Variants in TAB2 observed in about 807,000 individuals in gnomAD.
TAB2 encodes the protein TGF-beta-activated kinase 1 and MAP3K7-binding protein 2.
TAB2 carries 3 observed loss-of-function variants against 65.0 expected under a neutral mutation model. That is an observed-to-expected ratio of 0.05 (90% CI 0.02 to 0.12). TAB2 has a LOEUF of 0.12. Ranked by LOEUF, TAB2 falls within the 10% of genes least tolerant of loss-of-function variation. The pLI is 1.00. For synonymous variants in TAB2, 298 were observed against 285.1 expected, an observed-to-expected ratio of 1.05 and a Z score of -0.46; for missense variants, 623 against 840.3, an observed-to-expected ratio of 0.74 and a Z score of 3.20.
intron 1 of TAB2, among the ~76,000 whole-genome samples, chr6:149,361,125 C>T (rs898745430): frequency 1.3e-5 from 2 of 152,174 alleles, no homozygotes; most frequent in African/African-American, 4.8e-5. Context: ...GGGTCCCTTT[C>T]CCCAGCCCCA....
Position 149,227,229 on chromosome 6 carries a change from A to T in TAB2, c.-121+8453A>T, listed in dbSNP as rs190421361. On this transcript the variant is annotated intron_variant, in intron 1 of 1. Transcript: ENST00000606202. ...AAATGGTCAACAAATTATTAAATTAAGCCTTTTCCTATAAATGACTAGGTA... is the reference window on the plus strand; with the variant it reads ...AAATGGTCAACAAATTATTAAATTATGCCTTTTCCTATAAATGACTAGGTA... Among the ~76,000 whole-genome samples, 251 of 152,348 alleles carry T rather than the reference A, an allele frequency of 1.6e-3. 1 individual carries two copies. The highest frequency in any genetic ancestry group is 3.4e-3 in the Middle Eastern group (1 of 294).
chr6:149,303,941 G>A (rs1189337099), intron 1 of TAB2, among the ~76,000 whole-genome samples: 1 of 152,252 alleles, frequency 6.6e-6, no homozygotes, highest in Non-Finnish European at 1.5e-5. Context: ...AAGATGAAAA[G>A]AGAGCATGTG....
chr6:149,341,327 A>G (rs1290777344), intron 1 of TAB2, among the ~76,000 whole-genome samples: 1 of 152,178 alleles, frequency 6.6e-6, no homozygotes, highest in African/African-American at 2.4e-5. Flanking sequence ...ATGTCTTAGA[A>G]TGTGATTATA....
Position 149,271,040 on chromosome 6 carries a change from CT to C in TAB2, c.-121+52274del, listed in dbSNP as rs145982019. Among the ~76,000 whole-genome samples the C allele has an allele frequency of 1.1e-3, 170 of 148,680 alleles. 1 individual carries two copies. The highest frequency in any genetic ancestry group is 1.9e-3 in the Non-Finnish European group (128 of 67,198). ...TCGCTCTATCTCTCTGCACCTTATT[CT>C]TTTTTTTTTCATTTTGACTTAGTTG... On this transcript the variant is annotated intron_variant, in intron 1 of 1. Coordinates refer to the TAB2 transcript ENST00000606202.
At chr6:149,343,350 A>G (rs998342286) in intron 1 of TAB2, among the ~76,000 whole-genome samples, 1 of 152,146 alleles carries the variant, frequency 6.6e-6, no homozygotes, top group African/African-American at 2.4e-5. Context: ...GTGCACCTGT[A>G]GTCCCAGCTG....
chr6:149,362,166 C>T (rs1018721666), intron 1 of TAB2, among the ~76,000 whole-genome samples: 2 of 152,172 alleles, frequency 1.3e-5, no homozygotes, highest in African/African-American at 4.8e-5. Flanking sequence ...TAGTAGTGCC[C>T]CATTCCCAGT....
intron 3 of TAB2, among the ~76,000 whole-genome samples, chr6:149,391,472 T>C (rs568016819): frequency 2.0e-5 from 3 of 152,224 alleles, no homozygotes; most frequent in African/African-American, 7.2e-5. Context: ...CTATTTAATA[T>C]CCTGAACGAG....
At chr6:149,240,725 C>T (rs979275945) in intron 1 of TAB2, among the ~76,000 whole-genome samples, 2 of 151,814 alleles carry the variant, frequency 1.3e-5, no homozygotes, top group African/African-American at 4.8e-5. Flanking sequence ...AATGTCTGTC[C>T]AATTTTGTTT....
At chr6:149,366,064 T>C (rs1313937110) in intron 1 of TAB2, among the ~76,000 whole-genome samples, 3 of 152,360 alleles carry the variant, frequency 2.0e-5, no homozygotes, top group East Asian at 1.9e-4. Context: ...GTGCTAATTC[T>C]AGCAGCTGGC....
intron 1 of TAB2, among the ~76,000 whole-genome samples, chr6:149,259,362 CACACACACACAT>C (rs1353985325): frequency 2.0e-5 from 3 of 148,660 alleles, no homozygotes; most frequent in Admixed American, 6.7e-5. Flanking sequence ...CACACACACA[CACACACACACAT>C]ACACACAATC....
chr6:149,234,125 C>G (rs1777453226), intron 1 of TAB2, among the ~76,000 whole-genome samples: 1 of 152,152 alleles, frequency 6.6e-6, no homozygotes, highest in Non-Finnish European at 1.5e-5. Flanking sequence ...ACACCTATGA[C>G]TCACAAACCG....
intron 1 of TAB2, among the ~76,000 whole-genome samples, chr6:149,261,205 T>A (rs753809172): frequency 6.6e-6 from 1 of 152,224 alleles, no homozygotes; most frequent in African/African-American, 2.4e-5. Context: ...GCATTTGAAA[T>A]TTTTCAGAGT....
chr6:149,303,328 C>CCACACAG (rs1779001682), intron 1 of TAB2, among the ~76,000 whole-genome samples: 1 of 152,230 alleles, frequency 6.6e-6, no homozygotes, highest in South Asian at 2.1e-4. Flanking sequence ...GAAAAACTGT[C>CCACACAG]TTCCACAAAA....
At chr6:149,268,212 G>T (rs1412228100) in intron 1 of TAB2, among the ~76,000 whole-genome samples, 1 of 152,144 alleles carries the variant, frequency 6.6e-6, no homozygotes, top group Non-Finnish European at 1.5e-5. Context: ...AAGGGCCCAG[G>T]CTCCTTCTCG....
chr6:149,309,712 T>TG (rs1554257796), intron 1 of TAB2, among the ~76,000 whole-genome samples: 3 of 150,160 alleles, frequency 2.0e-5, no homozygotes, highest in African/African-American at 7.3e-5. Context: ...TATTCCTCTT[T>TG]AAAAAAAAAA....
intron 1 of TAB2, among the ~76,000 whole-genome samples, chr6:149,366,941 CAA>C (rs1269561587): frequency 1.4e-5 from 2 of 140,250 alleles, no homozygotes; most frequent in Non-Finnish European, 3.1e-5. Context: ...GCCTCTCCCT[CAA>C]ATTGTGTATA....
intron 6 of TAB2, among the ~76,000 whole-genome samples, chr6:149,407,371 A>G (rs1173129717): frequency 6.6e-6 from 1 of 152,158 alleles, no homozygotes; most frequent in East Asian, 1.9e-4. Context: ...GAATAATAAT[A>G]ATCTGTTATT....
intron 1 of TAB2, among the ~76,000 whole-genome samples, chr6:149,362,847 C>T (rs1333385914): frequency 6.6e-6 from 1 of 152,064 alleles, no homozygotes; most frequent in Non-Finnish European, 1.5e-5. Flanking sequence ...AATAATTCAT[C>T]TAATCTAAAT....
chr6:149,323,205 A>G (rs1779507668), intron 1 of TAB2, among the ~76,000 whole-genome samples: 1 of 152,168 alleles, frequency 6.6e-6, no homozygotes. Flanking sequence ...ATAAGATATC[A>G]TTATGCAAAG....
Sources: gnomAD v4.1 joint callset for allele counts (sites outside exome capture counted in the v4.1 genomes callset) on GRCh38, gnomAD v4.1.1 for gene constraint, MANE v1.5 for transcripts, NCBI Gene and HGNC (gene_info 2026-07-23, HGNC 2026-07-21) for gene names.